The following NR2F1-AS1 variants were observed in gnomAD, a reference collection of about 807,000 sequenced individuals.
NR2F1-AS1 encodes NR2F1 antisense RNA 1.
At chr5:93,439,675 C>T (rs750615567) in intron 4 of NR2F1-AS1, among the ~76,000 whole-genome samples, 1 of 152,190 alleles carries the variant, frequency 6.6e-6, no homozygotes, top group Non-Finnish European at 1.5e-5. Flanking sequence ...AAAGTTCAGA[C>T]CAAGCCTCCA....
intron 4 of NR2F1-AS1, among the ~76,000 whole-genome samples, chr5:93,468,104 G>T (rs890619825): frequency 6.6e-6 from 1 of 152,110 alleles, no homozygotes; most frequent in Non-Finnish European, 1.5e-5. Context: ...GAATAGTGCC[G>T]CAATAAACAT....
chr5:93,438,557 AT>A (rs1181954296), intron 4 of NR2F1-AS1: 2 of 152,202 alleles, frequency 1.3e-5, no homozygotes, highest in African/African-American at 2.4e-5. Flanking sequence ...TCTTACGTAG[AT>A]GCTTAATTTG....
chr5:93,504,775 A>G (rs1460710427), intron 4 of NR2F1-AS1, among the ~76,000 whole-genome samples: 1 of 152,086 alleles, frequency 6.6e-6, no homozygotes, highest in African/African-American at 2.4e-5. Context: ...CCATGATTCA[A>G]TTACCTCCCC....
At chr5:93,434,761 A>C (rs2149848463) in intron 4 of NR2F1-AS1, among the ~76,000 whole-genome samples, 1 of 152,242 alleles carries the variant, frequency 6.6e-6, no homozygotes, top group African/African-American at 2.4e-5. Context: ...CACAACATTG[A>C]CCTTTGTAAA....
At chr5:93,422,749 T>G (rs891422380) in intron 4 of NR2F1-AS1, among the ~76,000 whole-genome samples, 11 of 152,226 alleles carry the variant, frequency 7.2e-5, no homozygotes, top group Non-Finnish European at 1.2e-4. Flanking sequence ...CATTTACAAC[T>G]GTAAATAACT....
intron 4 of NR2F1-AS1, among the ~76,000 whole-genome samples, chr5:93,437,492 A>G (rs1749467885): frequency 6.6e-6 from 1 of 152,068 alleles, no homozygotes; most frequent in South Asian, 2.1e-4. Context: ...TCTTATTTCT[A>G]TTGAAGAGGG....
chr5:93,432,853 T>C (rs1749354556), intron 4 of NR2F1-AS1, among the ~76,000 whole-genome samples: 1 of 152,218 alleles, frequency 6.6e-6, no homozygotes, highest in African/African-American at 2.4e-5. Flanking sequence ...GTAATTTCTA[T>C]TTTTCCTAAT....
At chr5:93,428,645 C>T (rs1323618283) in intron 4 of NR2F1-AS1, among the ~76,000 whole-genome samples, 1 of 152,026 alleles carries the variant, frequency 6.6e-6, no homozygotes, top group East Asian at 1.9e-4. Context: ...CCCAGGTAGA[C>T]TTTTGTCTTA....
At chr5:93,416,312 T>C (rs1748966592) in intron 4 of NR2F1-AS1, among the ~76,000 whole-genome samples, 1 of 152,224 alleles carries the variant, frequency 6.6e-6, no homozygotes, top group African/African-American at 2.4e-5. Context: ...ATGCAGTAAT[T>C]TATGTCTAAC....
chr5:93,445,180 C>A (rs573636741), intron 4 of NR2F1-AS1, among the ~76,000 whole-genome samples: 119 of 151,826 alleles, frequency 7.8e-4, no homozygotes, highest in Non-Finnish European at 1.3e-3. Flanking sequence ...AGCTAGCAGA[C>A]GGCAAGAAAT....
chr5:93,518,450 C>G (rs776184993), intron 4 of NR2F1-AS1, among the ~76,000 whole-genome samples: 2 of 151,978 alleles, frequency 1.3e-5, no homozygotes, highest in Admixed American at 6.6e-5. Context: ...TTTCAATAAC[C>G]CTTTCAGGGA....
chr5:93,576,850 T>C (rs1357166082), intron 1 of NR2F1-AS1, among the ~76,000 whole-genome samples: 2 of 152,234 alleles, frequency 1.3e-5, no homozygotes, highest in Non-Finnish European at 2.9e-5. Context: ...TTCAGACTCA[T>C]TTCAAAACTT....
chr5:93,546,496 AACC>A (rs150867268), intron 4 of NR2F1-AS1, among the ~76,000 whole-genome samples: 4,469 of 152,304 alleles, frequency 0.029, 211 homozygotes, highest in African/African-American at 0.1. Flanking sequence ...TTGGGTTAAC[AACC>A]ACATTTTGCC....
At chr5:93,489,680 A>G (rs1750797153) in intron 4 of NR2F1-AS1, among the ~76,000 whole-genome samples, 1 of 152,176 alleles carries the variant, frequency 6.6e-6, no homozygotes, top group Non-Finnish European at 1.5e-5. Flanking sequence ...TCTAAAAAGC[A>G]CTATGCCTTT....
chr5:93,466,305 T>A (rs1246573019), intron 4 of NR2F1-AS1, among the ~76,000 whole-genome samples: 5 of 151,996 alleles, frequency 3.3e-5, no homozygotes, highest in Non-Finnish European at 7.4e-5. Context: ...ATAATTTTTT[T>A]AATCACATAC....
chr5:93,430,209 G>A (rs1749281927), intron 4 of NR2F1-AS1, among the ~76,000 whole-genome samples: 1 of 152,212 alleles, frequency 6.6e-6, no homozygotes, highest in Non-Finnish European at 1.5e-5. Flanking sequence ...CAAAGTGGCG[G>A]GGGATGTCAG....
intron 4 of NR2F1-AS1, among the ~76,000 whole-genome samples, chr5:93,417,293 G>A (rs568325382): frequency 6.6e-6 from 1 of 152,246 alleles, no homozygotes; most frequent in East Asian, 1.9e-4. Context: ...CATGTTAATG[G>A]GTTTTATTGT....
rs948524923 is a variant in NR2F1-AS1 at position 93,453,823 on chromosome 5, T to C, written n.639-58281A>G. The stretch of plus-strand genomic sequence containing the variant: ...CAGACAGACAAATACTGAGAGAAAT[T>C]GATGCTATCAGACTGGCACTACAAG... On this transcript the variant is annotated intron_variant and non_coding_transcript_variant, in intron 4 of 5. Coordinates refer to ENST00000660523, the Ensembl canonical transcript of NR2F1-AS1. 5.3e-5 allele frequency among the ~76,000 whole-genome samples: 8 copies of C among 152,062 alleles called. 1 individual carries two copies. Among genetic ancestry groups the C allele is most frequent in the Non-Finnish European group, 1.2e-4 (8 of 68,020 alleles).
intron 4 of NR2F1-AS1, among the ~76,000 whole-genome samples, chr5:93,489,249 A>C (rs1193215079): frequency 6.6e-6 from 1 of 151,922 alleles, no homozygotes; most frequent in Admixed American, 6.6e-5. Flanking sequence ...TTTAAAAAAA[A>C]AAAAAGAAAT....
Sources: gnomAD v4.1 joint callset for allele counts (sites outside exome capture counted in the v4.1 genomes callset) on GRCh38, gnomAD v4.1.1 for gene constraint, MANE v1.5 for transcripts, NCBI Gene and HGNC (gene_info 2026-07-23, HGNC 2026-07-21) for gene names.